The following ENTPD7 variants were observed in gnomAD, a reference collection of about 807,000 sequenced individuals.
ENTPD7 encodes ectonucleoside triphosphate diphosphohydrolase 7, also known as NTPDase 7.
In ENTPD7, 53 loss-of-function variants were observed where a neutral mutation model predicts 77.9. That is an observed-to-expected ratio of 0.68 (90% CI 0.55 to 0.85). ENTPD7 has a LOEUF of 0.85. ENTPD7 is among the 40% of genes least tolerant of loss of function. ENTPD7 has a pLI of 0.00. For missense variants in ENTPD7, 636 were observed against 743.7 expected (o/e 0.86, Z 1.68); for synonymous variants, 248 against 274.9 (o/e 0.90, Z 0.97).
At chr10:99,691,323 G>T (rs2035879788) in intron 7 of ENTPD7, 62 bp from the exon 8 acceptor site, 2 of 1,548,934 alleles carry the variant, frequency 1.3e-6, no homozygotes, top group East Asian at 2.3e-5. Flanking sequence ...TGCTGTTTTG[G>T]GGGTTTGACT....
At chr10:99,679,506 G>T in intron 4 of ENTPD7, 40 bp downstream of exon 4, 1 of 1,556,910 alleles carries the variant, frequency 6.4e-7, no homozygotes, top group South Asian at 1.2e-5. Context: ...TCTCTTTTAA[G>T]GCATGAAAGA....
chr10:99,703,075 A>G (rs748482279), intron 12 of ENTPD7, among the ~76,000 whole-genome samples: 4 of 152,354 alleles, frequency 2.6e-5, no homozygotes, highest in Non-Finnish European at 5.9e-5. Context: ...GCAATCTTTC[A>G]TAACATACAG....
At chr10:99,668,764 T>C (rs1590038365) in intron 3 of ENTPD7, among the ~76,000 whole-genome samples, 1 of 152,196 alleles carries the variant, frequency 6.6e-6, no homozygotes, top group South Asian at 2.1e-4. Context: ...TAGAAACACT[T>C]GCTACCTTAA....
Position 99,706,512 on chromosome 10 carries a change from TTA to T in ENTPD7, c.*1831_*1832del, listed in dbSNP as rs1491127491. On this transcript the variant is annotated 3_prime_UTR_variant, in exon 13 of 13. Coordinates refer to ENST00000370489, the MANE Select transcript of ENTPD7 (RefSeq NM_020354.5). ...CACCACACTCAGCTAATTTTTTATTTTATTTTTTTAGAGATGGAGTCTGTGTT... is the reference window on the plus strand; with the variant it reads ...CACCACACTCAGCTAATTTTTTATTTTTTTTTTAGAGATGGAGTCTGTGTT... 7.1e-4 allele frequency among the ~76,000 whole-genome samples: 31 copies of T among 43,894 alleles called. No individual in the cohort carries two copies. The highest frequency in any genetic ancestry group is 9.5e-4 in the South Asian group (1 of 1,052). The allele number at this position is 43,894 out of a possible 152,430, so 28.8% of individuals were successfully genotyped here.
At chr10:99,701,369 C>G (rs979753729) in intron 11 of ENTPD7, among the ~76,000 whole-genome samples, 3 of 151,468 alleles carry the variant, frequency 2.0e-5, no homozygotes, top group Admixed American at 6.6e-5. Flanking sequence ...CTCACTGCAA[C>G]CTCCGCCTCC....
rs554004708 is a variant in ENTPD7 at position 99,679,470 on chromosome 10, C to G, written c.397+4C>G. On this transcript the variant is annotated splice_donor_region_variant and intron_variant, in intron 4 of 12. Coordinates refer to ENST00000370489, the MANE Select transcript of ENTPD7 (RefSeq NM_020354.5). ...GTGGTTAAAAAAATCAAGCCAGGTA[C>G]TAATCAGAATATATTTTGTTGTCAG... The G allele has an allele frequency of 3.1e-6, 5 of 1,608,476 alleles. No homozygotes were observed. The Admixed American group carries it at 5.1e-5, about 16-fold the overall frequency.
At chr10:99,692,200 C>T (rs2035893392) in intron 8 of ENTPD7, among the ~76,000 whole-genome samples, 1 of 152,168 alleles carries the variant, frequency 6.6e-6, no homozygotes, top group Non-Finnish European at 1.5e-5. Context: ...TGATCTAAAC[C>T]AGGGCTTCTC....
intron 7 of ENTPD7, 75 bp from the exon 8 acceptor site, chr10:99,691,310 G>A: frequency 1.3e-6 from 2 of 1,490,270 alleles, no homozygotes. Context: ...ATTTTCAAGG[G>A]ATTGCTGTTT....
intron 10 of ENTPD7, among the ~76,000 whole-genome samples, chr10:99,699,754 T>TG (rs1346901422): frequency 6.6e-6 from 1 of 152,078 alleles, no homozygotes; most frequent in African/African-American, 2.4e-5. Flanking sequence ...TTAATAGAGA[T>TG]GGGGTTTTGC....
In ENTPD7 at chr10:99,663,559, A is replaced by G. The variant is rs183117566; in HGVS notation, c.191+1931A>G. Among the ~76,000 whole-genome samples, 366 of 151,324 alleles carry G rather than the reference A, an allele frequency of 2.4e-3. 6 individuals carry two copies. The highest frequency in any genetic ancestry group is 9.7e-4 in the East Asian group (5 of 5,142). On this transcript the variant is annotated intron_variant, in intron 3 of 12. Transcript: ENST00000370489. ...GCTGCAGCCTCAATCTCCTGGGCTC[A>G]AGCTATCTTCCTGCCTCAGCCTCCC...
rs2036227485 is a variant in ENTPD7 at position 99,705,162 on chromosome 10, AT to A, written c.*480del. On this transcript the variant is annotated 3_prime_UTR_variant, in exon 13 of 13. Transcript: ENST00000370489. ...TGGAGATCCACAACCTTTAACAGGGATCCAAGATCTTTGCAGTTCAATCGAC... is the reference window on the plus strand; with the variant it reads ...TGGAGATCCACAACCTTTAACAGGGACCAAGATCTTTGCAGTTCAATCGAC... The A allele has an allele frequency of 6.2e-6, 1 of 162,514 alleles. No individual in the cohort carries two copies. The highest frequency in any genetic ancestry group is 5.7e-5 in the Admixed American group (1 of 17,592). The allele number at this position is 162,514 out of a possible 1,614,324, so 10.1% of individuals were successfully genotyped here. A position where few individuals can be genotyped will look rare whatever the true frequency, so the allele number is the denominator to read the frequency against.
chr10:99,696,209 A>C, intron 9 of ENTPD7, 87 bp downstream of exon 9: 1 of 1,476,988 alleles, frequency 6.8e-7, no homozygotes, highest in Non-Finnish European at 9.2e-7. Context: ...CCTAAGACAG[A>C]TAAGTCCCTG....
chr10:99,688,627 A>G (rs1008441311), intron 6 of ENTPD7, 67 bp from the exon 7 acceptor site: 2 of 1,456,286 alleles, frequency 1.4e-6, no homozygotes, highest in Non-Finnish European at 1.9e-6. Context: ...GAGAAGCCCT[A>G]AGGGAGAGGT....
At chr10:99,682,485 T>A (rs2035765839) in intron 5 of ENTPD7, among the ~76,000 whole-genome samples, 1 of 152,142 alleles carries the variant, frequency 6.6e-6, no homozygotes, top group African/African-American at 2.4e-5. Flanking sequence ...CTTTAAAAAA[T>A]TTTTTGTTTT....
chr10:99,689,134 A>T (rs1489783476), intron 7 of ENTPD7, among the ~76,000 whole-genome samples: 7 of 152,126 alleles, frequency 4.6e-5, no homozygotes, highest in Non-Finnish European at 2.9e-5. Context: ...TACAACAGAT[A>T]AGGGGTTTCA....
At position 99,698,745 on chromosome 10, in the gene ENTPD7, A is replaced by G. The variant is rs146917199; in HGVS notation, c.1222A>G (p.Ile408Val). 3.2e-5 allele frequency: 51 copies of G among 1,614,092 alleles called. No individual in the cohort carries two copies. Among genetic ancestry groups the G allele is most frequent in the Admixed American group, 8.3e-5 (5 of 60,002 alleles). ...ASLNGIYQSP[I>V]DFNNSEFYGF... ...ACTCAATGGCATATATCAATCGCCT[A>G]TTGACTTCAACAACAGCGAGTTCTA... is the stretch of plus-strand genomic sequence containing the variant. The change falls in exon 10 of 13, where the codon ATT becomes GTT. Residue 408 changes from isoleucine to valine, a missense_variant. Ile to Val is a conservative substitution (Grantham distance 29). Coordinates refer to ENST00000370489, the MANE Select transcript of ENTPD7 (RefSeq NM_020354.5).
intron 8 of ENTPD7, among the ~76,000 whole-genome samples, chr10:99,693,436 T>TATTCGTTAGTATGTATTTAACAGGTAA (rs2035915904): frequency 2.0e-5 from 3 of 152,236 alleles, no homozygotes; most frequent in Non-Finnish European, 4.4e-5. Flanking sequence ...TTTTAGTCTA[T>TATTCGTTAGTATGTATTTAACAGGTAA]ATTCGTTAGT....
intron 5 of ENTPD7, among the ~76,000 whole-genome samples, chr10:99,684,532 A>G (rs2035789348): frequency 6.6e-6 from 1 of 152,214 alleles, no homozygotes; most frequent in African/African-American, 2.4e-5. Flanking sequence ...ATGTATAACA[A>G]TGAACTTTTT....
In ENTPD7 at chr10:99,708,414, C is replaced by G. The variant is rs556886606; in HGVS notation, c.*3731C>G. Reference sequence around the variant, plus strand: ...GAGTGGTATCACTTAAGGGAAAGAACAGTAGGCTTAACGAATAGCAGACCT... The same window carrying G: ...GAGTGGTATCACTTAAGGGAAAGAAGAGTAGGCTTAACGAATAGCAGACCT... On this transcript the variant is annotated 3_prime_UTR_variant, in exon 13 of 13. Transcript: ENST00000370489. 6.6e-6 allele frequency among the ~76,000 whole-genome samples: 1 copy of G among 152,148 alleles called. No individual in the cohort carries two copies. Among genetic ancestry groups the G allele is most frequent in the Non-Finnish European group, 1.5e-5 (1 of 68,026 alleles).
Sources: allele counts gnomAD v4.1 joint callset (sites outside exome capture counted in the v4.1 genomes callset), GRCh38; gene constraint gnomAD v4.1.1; transcripts MANE v1.5; gene names NCBI Gene and HGNC (gene_info 2026-07-23, HGNC 2026-07-21).